HMGXB4: variants seen among roughly 807,000 people sequenced by gnomAD.
HMGXB4 encodes HMG domain-containing protein 4.
HMGXB4 carries 27 observed loss-of-function variants against 63.9 expected under a neutral mutation model. That is an observed-to-expected ratio of 0.42 (90% CI 0.31 to 0.58). The LOEUF (loss-of-function observed/expected upper bound fraction) is 0.58, where lower values mean the gene tolerates loss of function less well. HMGXB4 is among the 20% of genes least tolerant of loss of function. The probability of loss-of-function intolerance (pLI) is 0.13; values close to 1 mark genes in which losing one functional copy is unlikely to be tolerated. For synonymous variants in HMGXB4, 264 were observed against 265.3 expected, an observed-to-expected ratio of 0.99 and a Z score of 0.05; for missense variants, 624 against 700.7, an observed-to-expected ratio of 0.89 and a Z score of 1.24.
intron 5 of HMGXB4, among the ~76,000 whole-genome samples, chr22:35,276,098 A>G (rs1923899071): frequency 6.6e-6 from 1 of 152,158 alleles, no homozygotes; most frequent in African/African-American, 2.4e-5. Flanking sequence ...TGCCATGGAA[A>G]ATTTTTAACC....
intron 10 of HMGXB4, 82 bp from the exon 11 acceptor site, chr22:35,293,525 T>A: frequency 1.1e-6 from 1 of 915,870 alleles, no homozygotes; most frequent in Non-Finnish European, 1.8e-6. Context: ...ATTTTTCTTA[T>A]CTCTCTCCTT....
chr22:35,287,148 A>G, intron 7 of HMGXB4, 199 bp from the exon 8 acceptor site: 1 of 536,812 alleles, frequency 1.9e-6, no homozygotes. Context: ...GAATGTTTAT[A>G]GTCCTTTACT....
intron 5 of HMGXB4, among the ~76,000 whole-genome samples, chr22:35,266,834 A>G (rs1172242818): frequency 6.6e-6 from 1 of 151,988 alleles, no homozygotes; most frequent in Non-Finnish European, 1.5e-5. Context: ...AAATACAAAA[A>G]TTTGCCTGGT....
intron 5 of HMGXB4, among the ~76,000 whole-genome samples, chr22:35,269,343 A>T (rs1923459181): frequency 6.6e-6 from 1 of 152,190 alleles, no homozygotes; most frequent in African/African-American, 2.4e-5. Flanking sequence ...GTGCCACTGT[A>T]CTCCAGCCTG....
At chr22:35,292,783 A>G (rs1925008382) in intron 9 of HMGXB4, among the ~76,000 whole-genome samples, 1 of 152,268 alleles carries the variant, frequency 6.6e-6, no homozygotes, top group African/African-American at 2.4e-5. Context: ...AAGATGGGCT[A>G]GGATTACGGA....
chr22:35,267,937 ATTTGTTTT>A (rs1357909852), intron 5 of HMGXB4, among the ~76,000 whole-genome samples: 1 of 152,194 alleles, frequency 6.6e-6, no homozygotes, highest in African/African-American at 2.4e-5. Context: ...TGAGTTCAAT[ATTTGTTTT>A]CAGGAATTTG....
At chr22:35,274,542 A>C (rs1337437204) in intron 5 of HMGXB4, among the ~76,000 whole-genome samples, 1 of 152,200 alleles carries the variant, frequency 6.6e-6, no homozygotes, top group Non-Finnish European at 1.5e-5. Flanking sequence ...GAATTTTCAC[A>C]AGAACCCAAT....
chr22:35,263,710 A>C, intron 3 of HMGXB4, 86 bp from the exon 4 acceptor site: 1 of 918,550 alleles, frequency 1.1e-6, no homozygotes, highest in Non-Finnish European at 1.8e-6. Flanking sequence ...TTGTTTCCCA[A>C]AATCAAAAAT....
At chr22:35,265,937 G>A (rs1171110331) in intron 5 of HMGXB4, among the ~76,000 whole-genome samples, 6 of 149,412 alleles carry the variant, frequency 4.0e-5, no homozygotes, top group South Asian at 4.2e-4. Flanking sequence ...CACCACACCC[G>A]ACTAATTTTT....
chr22:35,274,974 A>G (rs893143846), intron 5 of HMGXB4, among the ~76,000 whole-genome samples: 1 of 152,188 alleles, frequency 6.6e-6, no homozygotes, highest in East Asian at 1.9e-4. Flanking sequence ...GTGAGTCTGG[A>G]TGTCAGTTTC....
At chr22:35,274,494 TAGGCACTAC>T (rs1432799715) in intron 5 of HMGXB4, among the ~76,000 whole-genome samples, 1 of 152,258 alleles carries the variant, frequency 6.6e-6, no homozygotes, top group Non-Finnish European at 1.5e-5. Flanking sequence ...TCGTATGTTC[TAGGCACTAC>T]ACTAGTTTTT....
chr22:35,258,085 C>CT (rs1286834542), intron 1 of HMGXB4: 1 of 152,242 alleles, frequency 6.6e-6, no homozygotes, highest in East Asian at 1.9e-4. Flanking sequence ...CTTCACAGAG[C>CT]TTTGTTGAGC....
intron 9 of HMGXB4, among the ~76,000 whole-genome samples, chr22:35,290,352 A>C (rs1371154064): frequency 2.0e-5 from 3 of 152,196 alleles, no homozygotes; most frequent in African/African-American, 7.2e-5. Flanking sequence ...CCCCTAAAAG[A>C]AACCCTGTAC....
Position 35,275,073 on chromosome 22 carries a change from A to G in HMGXB4, c.1216-8889A>G, listed in dbSNP as rs533824614. ...AATTTCTATGGGTAAAGGTCTTACA[A>G]CAGTGGCTCGTACGTAGTATTAACA... On this transcript the variant is annotated intron_variant, in intron 5 of 10. Transcript: ENST00000216106. Among the ~76,000 whole-genome samples the G allele has an allele frequency of 4.0e-5, 6 of 151,066 alleles. No homozygotes were observed. The East Asian group carries it at 1.2e-3, about 29-fold the overall frequency.
At chr22:35,291,642 A>T (rs1924941093) in intron 9 of HMGXB4, among the ~76,000 whole-genome samples, 1 of 152,206 alleles carries the variant, frequency 6.6e-6, no homozygotes, top group African/African-American at 2.4e-5. Flanking sequence ...TCTTCCCTGT[A>T]TACTAATGTT....
intron 5 of HMGXB4, among the ~76,000 whole-genome samples, chr22:35,273,490 C>G (rs948378973): frequency 6.6e-6 from 1 of 152,252 alleles, no homozygotes; most frequent in Non-Finnish European, 1.5e-5. Context: ...GTGCATGTAA[C>G]ATGCTTAGCA....
chr22:35,289,791 A>G (rs544627538), intron 9 of HMGXB4, among the ~76,000 whole-genome samples: 5 of 152,326 alleles, frequency 3.3e-5, no homozygotes, highest in Admixed American at 1.3e-4. Flanking sequence ...ACCATATTCA[A>G]TTTCTAACAA....
intron 5 of HMGXB4, among the ~76,000 whole-genome samples, chr22:35,272,180 TGGA>T (rs956023994): frequency 2.0e-5 from 3 of 152,088 alleles, no homozygotes; most frequent in Admixed American, 2.0e-4. Context: ...GCGGCTATGT[TGGA>T]GGAGAAACAC....
upstream of HMGXB4, among the ~76,000 whole-genome samples, chr22:35,255,015 C>A (rs190448303): frequency 6.6e-6 from 1 of 152,134 alleles, no homozygotes; most frequent in African/African-American, 2.4e-5. Context: ...CTGACAGCAA[C>A]CCTTGATTTT....
Sources: allele counts gnomAD v4.1 joint callset (sites outside exome capture counted in the v4.1 genomes callset), GRCh38; gene constraint gnomAD v4.1.1; transcripts MANE v1.5; gene names NCBI Gene and HGNC (gene_info 2026-07-23, HGNC 2026-07-21).